Variants in ACOXL observed in about 807,000 individuals in gnomAD.
The protein encoded by ACOXL is acyl-coenzyme A oxidase-like protein.
In ACOXL, 70 loss-of-function variants were observed where a neutral mutation model predicts 71.9. The ratio of observed to expected loss-of-function variants is 0.97; its 90% CI spans 0.80 to 1.19. The LOEUF is 1.19. Among genes scored for constraint, ACOXL ranks in the 50% most tolerant of loss-of-function variants. The probability of loss-of-function intolerance (pLI) is 0.00; values close to 1 mark genes in which losing one functional copy is unlikely to be tolerated. For synonymous variants in ACOXL, 253 were observed against 281.6 expected, an observed-to-expected ratio of 0.90 and a Z score of 1.02; for missense variants, 703 against 736.3, an observed-to-expected ratio of 0.95 and a Z score of 0.52.
intron 10 of ACOXL, among the ~76,000 whole-genome samples, chr2:110,860,520 A>T (rs1693815251): frequency 6.6e-6 from 1 of 152,082 alleles, no homozygotes; most frequent in Non-Finnish European, 1.5e-5. Flanking sequence ...GGTCATTTGG[A>T]CCTTTTCGGA....
intron 11 of ACOXL, among the ~76,000 whole-genome samples, chr2:110,928,586 C>T (rs1031389803): frequency 6.6e-6 from 1 of 152,164 alleles, no homozygotes; most frequent in Non-Finnish European, 1.5e-5. Context: ...ACAAAATAAA[C>T]TTTTATAAAT....
At chr2:110,887,094 G>GAGAGACATACA in intron 10 of ACOXL, 11 of 437,818 alleles carry the variant, frequency 2.5e-5, no homozygotes, top group South Asian at 1.8e-4. Context: ...TCTCTGCCTG[G>GAGAGACATACA]CAAGGACGAT....
chr2:110,748,454 C>G (rs1189031231), intron 1 of ACOXL, among the ~76,000 whole-genome samples: 1 of 152,144 alleles, frequency 6.6e-6, no homozygotes, highest in African/African-American at 2.4e-5. Context: ...TTCTTCCCTG[C>G]TACCTTTGTA....
intron 17 of ACOXL, among the ~76,000 whole-genome samples, chr2:111,108,396 GAGAC>G (rs1461777706): frequency 6.1e-5 from 1 of 16,420 alleles, no homozygotes; most frequent in Admixed American, 3.7e-4. Flanking sequence ...TTTTTTTTTG[GAGAC>G]AGAGTTTCAC....
chr2:110,943,319 GAAA>G (rs1303232400), intron 12 of ACOXL, among the ~76,000 whole-genome samples: 1 of 149,596 alleles, frequency 6.7e-6, no homozygotes, highest in African/African-American at 2.5e-5. Flanking sequence ...AAGAGAAAAA[GAAA>G]AAGAAGGAAA....
At chr2:110,996,845 T>G (rs1202186733) in intron 14 of ACOXL, among the ~76,000 whole-genome samples, 1 of 152,300 alleles carries the variant, frequency 6.6e-6, no homozygotes, top group East Asian at 1.9e-4. Flanking sequence ...GGAAATGCTT[T>G]GGAAACAGAA....
chr2:110,797,656 AG>A (rs1685441889), intron 5 of ACOXL, among the ~76,000 whole-genome samples: 2 of 152,216 alleles, frequency 1.3e-5, no homozygotes, highest in Non-Finnish European at 2.9e-5. Context: ...GGAAACAGCG[AG>A]GAACCAAGTG....
At chr2:110,915,110 A>G (rs35673119) in intron 11 of ACOXL, among the ~76,000 whole-genome samples, 2,894 of 151,916 alleles carry the variant, frequency 0.019, 49 homozygotes, top group Middle Eastern at 0.037. Flanking sequence ...CTTTTTAACT[A>G]TTTTTGTTGT....
chr2:110,951,648 T>G (rs1023016334), intron 12 of ACOXL, among the ~76,000 whole-genome samples: 2 of 152,244 alleles, frequency 1.3e-5, no homozygotes, highest in African/African-American at 4.8e-5. Flanking sequence ...ATAAACAGTT[T>G]TGTGCATGTG....
chr2:110,867,759 C>A (rs1694781542), intron 10 of ACOXL, among the ~76,000 whole-genome samples: 1 of 152,012 alleles, frequency 6.6e-6, no homozygotes, highest in Admixed American at 6.6e-5. Flanking sequence ...GAAAAAGCAA[C>A]TCAAAAATTG....
intron 12 of ACOXL, 61 bp downstream of exon 12, chr2:110,933,703 A>T (rs2060563568): frequency 1.3e-5 from 20 of 1,528,226 alleles, no homozygotes; most frequent in Non-Finnish European, 1.8e-5. Flanking sequence ...CTGGGGGAGC[A>T]CTGTGGGGCG....
rs1256716103 is a variant in ACOXL at position 111,060,170 on chromosome 2, C to T, written c.1440+10882C>T. Reference sequence around the variant, plus strand: ...TTGGCAGTAATGAGGCCTCCCTTCCCCTCCTGCCTCACTACAGTGACACTG... The same window carrying T: ...TTGGCAGTAATGAGGCCTCCCTTCCTCTCCTGCCTCACTACAGTGACACTG... On this transcript the variant is annotated intron_variant, in intron 16 of 17. Coordinates refer to ENST00000439055, the MANE Select transcript of ACOXL (RefSeq NM_001142807.4). Among the ~76,000 whole-genome samples the T allele has an allele frequency of 4.6e-5, 7 of 152,266 alleles. No individual in the cohort carries two copies. In the East Asian group the frequency reaches 1.4e-3, roughly 29 times the overall value.
intron 10 of ACOXL, among the ~76,000 whole-genome samples, chr2:110,849,708 C>T (rs567194931): frequency 2.0e-5 from 3 of 152,114 alleles, no homozygotes; most frequent in African/African-American, 7.2e-5. Flanking sequence ...CAGTGAGCCG[C>T]GATTGCACTA....
intron 17 of ACOXL, among the ~76,000 whole-genome samples, chr2:111,105,802 T>C (rs1388737219): frequency 1.3e-5 from 2 of 152,188 alleles, no homozygotes; most frequent in African/African-American, 4.8e-5. Context: ...ATAGAGACAG[T>C]ATTTCACTGT....
At chr2:110,988,630 C>A (rs1476532529) in intron 13 of ACOXL, among the ~76,000 whole-genome samples, 1 of 152,006 alleles carries the variant, frequency 6.6e-6, no homozygotes, top group African/African-American at 2.4e-5. Flanking sequence ...AATTTACACC[C>A]CCATTAGCAG....
rs140426448 is a variant in ACOXL, at chr2:110,956,078, G to A, written c.1059+22436G>A. On this transcript the variant is annotated intron_variant, in intron 12 of 17. Coordinates refer to ENST00000439055, the MANE Select transcript of ACOXL (RefSeq NM_001142807.4). ...AGCCTCCTGAGTAGCTGGGATTACA[G>A]GCAAGTGCTACTACGTCCGGCTAAT... Among the ~76,000 whole-genome samples the A allele has an allele frequency of 5.2e-3, 787 of 151,922 alleles. 8 individuals are homozygous for A. Among genetic ancestry groups the A allele is most frequent in the African/African-American group, 0.018 (749 of 41,428 alleles).
chr2:110,979,365 A>G (rs528771284), intron 12 of ACOXL, among the ~76,000 whole-genome samples: 5 of 152,292 alleles, frequency 3.3e-5, no homozygotes, highest in Admixed American at 1.3e-4. Context: ...CAGTGTCTCA[A>G]AATAGCTGCC....
intron 10 of ACOXL, among the ~76,000 whole-genome samples, chr2:110,906,852 G>A (rs2059470935): frequency 6.6e-6 from 1 of 152,204 alleles, no homozygotes; most frequent in African/African-American, 2.4e-5. Flanking sequence ...ATGATGCTGG[G>A]CACAGGGCAG....
intron 12 of ACOXL, among the ~76,000 whole-genome samples, chr2:110,952,638 G>A (rs1021634646): frequency 3.9e-5 from 6 of 152,002 alleles, no homozygotes; most frequent in Non-Finnish European, 7.4e-5. Flanking sequence ...GTTGAAATGG[G>A]GGTCTCACTG....
Sources: allele counts gnomAD v4.1 joint callset (sites outside exome capture counted in the v4.1 genomes callset), GRCh38; gene constraint gnomAD v4.1.1; transcripts MANE v1.5; gene names NCBI Gene and HGNC (gene_info 2026-07-23, HGNC 2026-07-21).